The following ZNF490 variants were observed in gnomAD, a reference collection of about 807,000 sequenced individuals.
ZNF490 encodes zinc finger protein 490.
Under a neutral mutation model 17.7 loss-of-function variants are expected in ZNF490, and 11 were observed. The observed-to-expected ratio is 0.62, with a 90% CI of 0.39 to 1.03. The LOEUF is 1.03. Ranked by LOEUF, ZNF490 falls within the 50% of genes least tolerant of loss-of-function variation. The pLI is 0.00. For synonymous variants in ZNF490, 222 were observed against 216.1 expected (o/e 1.03, Z -0.24); for missense variants, 542 against 643.4 (o/e 0.84, Z 1.71).
In ZNF490 at chr19:12,583,464, C is replaced by T. The variant is rs376155605; in HGVS notation, c.255G>A (p.Val85=). Residue 85 remains valine, a synonymous_variant, in exon 3 of 5, where the codon GTG becomes GTA. Coordinates refer to ENST00000311437, the MANE Select transcript of ZNF490 (RefSeq NM_020714.3). ...DPGQRNIYRD[V]MRATFKNLAC... is the part of the protein sequence containing the mutation. ...CCAGGTTCTTGAAGGTTGCCCGCATCACATCTCTGTAGATATTCCTCTGGC... is the reference window on the plus strand; with the variant it reads ...CCAGGTTCTTGAAGGTTGCCCGCATTACATCTCTGTAGATATTCCTCTGGC... 25 of 1,606,676 alleles carry T rather than the reference C, an allele frequency of 1.6e-5. No homozygotes were observed. In the African/African-American group the frequency reaches 2.4e-4, roughly 16 times the overall value.
rs1348743544 is a variant in ZNF490, at chr19:12,580,464, G to A, written c.*21C>T. ...CCAAAAGGAACTAATACAACTGACA[G>A]CATTACCACACTTTACTTTCTTAGG... On this transcript the variant is annotated 3_prime_UTR_variant, in exon 5 of 5. Coordinates refer to ENST00000311437, the MANE Select transcript of ZNF490 (RefSeq NM_020714.3). 28 of 1,556,406 alleles carry A rather than the reference G, an allele frequency of 1.8e-5. No individual in the cohort carries two copies. The highest frequency in any genetic ancestry group is 2.2e-5 in the Non-Finnish European group (25 of 1,153,802).
rs1406383738 is a variant in ZNF490, at chr19:12,578,442, C to T, written c.*2043G>A. On this transcript the variant is annotated 3_prime_UTR_variant, in exon 5 of 5. Coordinates refer to ENST00000311437, the MANE Select transcript of ZNF490 (RefSeq NM_020714.3). ...GATACAGGCTCTGCTTCTTCAGTCT[C>T]TCACCTCAGAGCCACCTGCGGTTGC... 1.0e-6 allele frequency: 1 copy of T among 985,344 alleles called. No individual in the cohort carries two copies. The highest frequency in any genetic ancestry group is 1.2e-6 in the Non-Finnish European group (1 of 829,996). 61.0% of individuals were successfully genotyped at this position (985,344 alleles called of 1,614,324 possible).
At position 12,580,720 on chromosome 19, in the gene ZNF490, CCA is replaced by C; in HGVS notation, c.1353_1354del (p.Cys451TrpfsTer24). On this transcript the variant is annotated frameshift_variant, in exon 5 of 5. Coordinates refer to ENST00000311437, the MANE Select transcript of ZNF490 (RefSeq NM_020714.3). LOFTEE classifies it low-confidence loss of function (END_TRUNC). ...GTGACTGAAGTAAATGAAGACCCGACCACACTGTTTGCATTCATAGGGTTTCT... is the reference window on the plus strand; with the variant it reads ...GTGACTGAAGTAAATGAAGACCCGACCACTGTTTGCATTCATAGGGTTTCT... 1 of 1,614,194 alleles carries C rather than the reference CCA, an allele frequency of 6.2e-7. No individual in the cohort carries two copies. The highest frequency in any genetic ancestry group is 8.5e-7 in the Non-Finnish European group (1 of 1,180,032).
At chr19:12,607,709 C>G (rs2023086055) in intron 2 of ZNF490, among the ~76,000 whole-genome samples, 1 of 149,470 alleles carries the variant, frequency 6.7e-6, no homozygotes, top group African/African-American at 2.5e-5. Context: ...TGAGACCAGC[C>G]TGGGCAACAC....
chr19:12,606,292 A>G (rs2145168421), intron 2 of ZNF490, among the ~76,000 whole-genome samples: 1 of 151,586 alleles, frequency 6.6e-6, no homozygotes, highest in East Asian at 1.9e-4. Flanking sequence ...TCTTGGACTC[A>G]AGGGATCTCT....
At chr19:12,583,781 CTCTCTCTCTCTATA>C (rs1303493096) in intron 2 of ZNF490, among the ~76,000 whole-genome samples, 103 of 93,844 alleles carry the variant, frequency 1.1e-3, no homozygotes, top group African/African-American at 4.6e-3. Context: ...CTCTCTCTCT[CTCTCTCTCTCTATA>C]TATATATATA....
intron 2 of ZNF490, among the ~76,000 whole-genome samples, chr19:12,598,563 G>C (rs987345188): frequency 6.6e-6 from 1 of 151,106 alleles, no homozygotes; most frequent in African/African-American, 2.4e-5. Flanking sequence ...TAGTAGACAC[G>C]GGGTTTCTCC....
intron 2 of ZNF490, among the ~76,000 whole-genome samples, chr19:12,589,481 G>A (rs1599307825): frequency 6.6e-6 from 1 of 151,526 alleles, no homozygotes; most frequent in Admixed American, 6.6e-5. Context: ...TTAATATGAC[G>A]AAAGGGGGAA....
At chr19:12,585,851 A>G (rs2022803102) in intron 2 of ZNF490, among the ~76,000 whole-genome samples, 1 of 93,148 alleles carries the variant, frequency 1.1e-5, no homozygotes, top group African/African-American at 3.2e-5. Context: ...AACCACACCC[A>G]GCTAATTTTT....
At chr19:12,595,636 C>T (rs983954817) in intron 2 of ZNF490, among the ~76,000 whole-genome samples, 1 of 152,082 alleles carries the variant, frequency 6.6e-6, no homozygotes, top group African/African-American at 2.4e-5. Flanking sequence ...ATGGGCCTCA[C>T]CCATGGAACT....
At chr19:12,595,928 G>A (rs1292637805) in intron 2 of ZNF490, among the ~76,000 whole-genome samples, 1 of 151,638 alleles carries the variant, frequency 6.6e-6, no homozygotes, top group East Asian at 1.9e-4. Flanking sequence ...TCCAGCCTGA[G>A]CAAAAGAGCA....
intron 2 of ZNF490, among the ~76,000 whole-genome samples, chr19:12,584,682 C>A (rs2022794143): frequency 1.1e-5 from 1 of 93,624 alleles, no homozygotes; most frequent in Non-Finnish European, 2.9e-5. Context: ...GCACATCTCC[C>A]ATTGAGGATG....
Position 12,595,184 on chromosome 19 carries a change from C to T in ZNF490, c.163-11628G>A, listed in dbSNP as rs531694251. On this transcript the variant is annotated intron_variant, in intron 2 of 4. Transcript: ENST00000311437. ...GAGACCGAGTTTCGCTCTTGTTGTC[C>T]CTGCTGGAGTGCAAGGGTGTGATCT... Among the ~76,000 whole-genome samples, 7 of 152,056 alleles carry T rather than the reference C, an allele frequency of 4.6e-5. No homozygotes were observed. In the South Asian group the frequency reaches 1.0e-3, roughly 23 times the overall value.
rs2022652791 is a variant in ZNF490, at chr19:12,577,158, C to G, written c.*3327G>C. On this transcript the variant is annotated 3_prime_UTR_variant, in exon 5 of 5. Coordinates refer to ENST00000311437, the MANE Select transcript of ZNF490 (RefSeq NM_020714.3). ...ATTAGCACAGCTTTGTTGACTACAC[C>G]TATTAGAGGGAGTTACACAGAGGAA... 6.6e-6 allele frequency among the ~76,000 whole-genome samples: 1 copy of G among 152,096 alleles called. No homozygotes were observed. The highest frequency in any genetic ancestry group is 1.5e-5 in the Non-Finnish European group (1 of 68,032).
rs1241640697 is a variant in ZNF490, at chr19:12,576,435, G to A, written c.*4050C>T. ...ACAGGAGAATTGCTTGAACCTGGGAGGCAGAGATTGCAGTGAGCCGAGATC... is the reference window on the plus strand; with the variant it reads ...ACAGGAGAATTGCTTGAACCTGGGAAGCAGAGATTGCAGTGAGCCGAGATC... On this transcript the variant is annotated 3_prime_UTR_variant, in exon 5 of 5. Coordinates refer to ENST00000311437, the MANE Select transcript of ZNF490 (RefSeq NM_020714.3). 1.4e-5 allele frequency among the ~76,000 whole-genome samples: 2 copies of A among 143,330 alleles called. No individual in the cohort carries two copies. Among genetic ancestry groups the A allele is most frequent in the African/African-American group, 2.6e-5 (1 of 38,446 alleles). The allele number at this position is 143,330 out of a possible 152,430, so 94.0% of individuals were successfully genotyped here.
chr19:12,609,790 T>C (rs1476445284), intron 1 of ZNF490: 2 of 336,046 alleles, frequency 6.0e-6, no homozygotes, highest in African/African-American at 2.2e-5. Flanking sequence ...TGGGTAAACA[T>C]GGACATACAG....
chr19:12,583,791 CTA>C lies in ZNF490; in HGVS notation c.163-237_163-236del, dbSNP rs1267957541. ...TCTCTCTCTCTCTCTCTCTCTCTCT[CTA>C]TATATATATATATATATATTTTTTT... On this transcript the variant is annotated intron_variant, in intron 2 of 4. Transcript: ENST00000311437. Among the ~76,000 whole-genome samples the C allele has an allele frequency of 1.2e-3, 83 of 68,138 alleles. 1 individual carries two copies. In the South Asian group the frequency reaches 0.022, roughly 18 times the overall value. 44.7% of individuals were successfully genotyped at this position (68,138 alleles called of 152,430 possible).
chr19:12,578,032 G>A lies in ZNF490; in HGVS notation c.*2453C>T. ...GTGAAGCAAGGTAGTTCCATGGCTTGTGAACCCTGACACCAGCACCTCCCA... is the reference window on the plus strand; with the variant it reads ...GTGAAGCAAGGTAGTTCCATGGCTTATGAACCCTGACACCAGCACCTCCCA... On this transcript the variant is annotated 3_prime_UTR_variant, in exon 5 of 5. Coordinates refer to ENST00000311437, the MANE Select transcript of ZNF490 (RefSeq NM_020714.3). The A allele has an allele frequency of 5.1e-6, 5 of 985,424 alleles. No homozygotes were observed. The highest frequency in any genetic ancestry group is 6.0e-6 in the Non-Finnish European group (5 of 829,956). 61.0% of individuals were successfully genotyped at this position (985,424 alleles called of 1,614,324 possible). A position where few individuals can be genotyped will look rare whatever the true frequency, so the allele number is the denominator to read the frequency against.
In ZNF490 at chr19:12,578,232, G is replaced by A. The variant is rs547825803; in HGVS notation, c.*2253C>T. 1 of 985,572 alleles carries A rather than the reference G, an allele frequency of 1.0e-6. No homozygotes were observed. The highest frequency in any genetic ancestry group is 1.7e-5 in the African/African-American group (1 of 57,372). 61.1% of individuals were successfully genotyped at this position (985,572 alleles called of 1,614,324 possible). On this transcript the variant is annotated 3_prime_UTR_variant, in exon 5 of 5. Coordinates refer to ENST00000311437, the MANE Select transcript of ZNF490 (RefSeq NM_020714.3). Reference sequence around the variant, plus strand: ...GCCGCTGAATATCTCAGGGTAGAATGTGCCAGAAAACAGGGAAAGCAAGTT... The same window carrying A: ...GCCGCTGAATATCTCAGGGTAGAATATGCCAGAAAACAGGGAAAGCAAGTT...
Sources: gnomAD v4.1 joint callset for allele counts (sites outside exome capture counted in the v4.1 genomes callset) on GRCh38, gnomAD v4.1.1 for gene constraint, MANE v1.5 for transcripts, NCBI Gene and HGNC (gene_info 2026-07-23, HGNC 2026-07-21) for gene names.